The following PIK3IP1 variants were observed in gnomAD, a reference collection of about 807,000 sequenced individuals.
PIK3IP1 encodes the protein phosphoinositide-3-kinase interacting protein 1.
Under a neutral mutation model 30.7 loss-of-function variants are expected in PIK3IP1, and 28 were observed. The observed-to-expected ratio is 0.91, with a 90% CI of 0.68 to 1.25. The LOEUF is 1.25. Ranked by LOEUF, PIK3IP1 falls within the 50% of genes most tolerant of loss-of-function variation. PIK3IP1 has a pLI of 0.00. For synonymous variants in PIK3IP1, 159 were observed against 140.8 expected, an observed-to-expected ratio of 1.13 and a Z score of -0.91; for missense variants, 333 against 346.2, an observed-to-expected ratio of 0.96 and a Z score of 0.30.
intron 3 of PIK3IP1, chr22:31,290,629 T>A: frequency 4.1e-6 from 1 of 244,848 alleles, no homozygotes; most frequent in Non-Finnish European, 7.8e-6. Context: ...TTGTGAGCAG[T>A]GTGGGTCTAG....
chr22:31,284,186 G>A (rs2049114093), intron 5 of PIK3IP1, among the ~76,000 whole-genome samples: 1 of 152,260 alleles, frequency 6.6e-6, no homozygotes, highest in African/African-American at 2.4e-5. Context: ...TTACAGGCGT[G>A]AGCCACCACA....
intron 3 of PIK3IP1, chr22:31,289,939 C>T (rs759578945): frequency 1.2e-5 from 6 of 502,712 alleles, no homozygotes; most frequent in Non-Finnish European, 2.2e-5. Flanking sequence ...CTACCTCCCA[C>T]GTCTTTATCT....
rs955631311 is a variant in PIK3IP1 at position 31,282,713 on chromosome 22, G to A, written c.*371C>T. ...AGTGTATGCCACTCAAGCCCACAGT[G>A]GAGACTGAGGCCATCTTAGTAAAGC... On this transcript the variant is annotated 3_prime_UTR_variant, in exon 6 of 6. Coordinates refer to ENST00000215912, the MANE Select transcript of PIK3IP1 (RefSeq NM_052880.5). 6.4e-5 allele frequency: 15 copies of A among 233,300 alleles called. No individual in the cohort carries two copies. Among genetic ancestry groups the A allele is most frequent in the African/African-American group, 3.3e-4 (15 of 45,592 alleles). 14.5% of individuals were successfully genotyped at this position (233,300 alleles called of 1,614,324 possible). A position where few individuals can be genotyped will look rare whatever the true frequency, so the allele number is the denominator to read the frequency against.
intron 5 of PIK3IP1, among the ~76,000 whole-genome samples, chr22:31,284,008 G>A (rs548299556): frequency 6.6e-5 from 10 of 152,162 alleles, no homozygotes; most frequent in Admixed American, 1.3e-4. Flanking sequence ...AGGTTCAAGC[G>A]ATTCTCCTGC....
rs2049158359 is a variant in PIK3IP1 at position 31,289,610 on chromosome 22, G to C, written c.397C>G (p.Pro133Ala). The C allele has an allele frequency of 6.4e-7, 1 of 1,558,428 alleles. No homozygotes were observed. Among genetic ancestry groups the C allele is most frequent in the Admixed American group, 2.0e-5 (1 of 51,188 alleles). ...PGADEVQVFAPANALPARSEA... is the reference protein window; with the variant it reads ...PGADEVQVFAAANALPARSEA... ...CTCCGAGCGGGCAGGGCGTTGGCAG[G>C]AGCGAACACCTGCACCTCATCTGCA... is the stretch of plus-strand genomic sequence containing the variant. Residue 133 changes from proline (P) to alanine (A), a missense_variant, in exon 4 of 6, where the codon CCT becomes GCT. Physicochemically the swap from Pro to Ala is conservative, Grantham distance 27 (BLOSUM62 -1). This residue lies in a region of PIK3IP1 where 217 missense variants were observed against 227.7 expected (regional missense o/e 0.95). Transcript: ENST00000215912.
chr22:31,287,923 C>T (rs191838374), intron 5 of PIK3IP1, among the ~76,000 whole-genome samples: 5 of 152,252 alleles, frequency 3.3e-5, no homozygotes, highest in Middle Eastern at 3.4e-3. Flanking sequence ...GCATGTGCTT[C>T]AAGCAGTGTC....
intron 5 of PIK3IP1, among the ~76,000 whole-genome samples, chr22:31,288,540 T>A (rs1301702151): frequency 1.3e-5 from 2 of 152,106 alleles, no homozygotes; most frequent in East Asian, 3.8e-4. Flanking sequence ...AGAAGTCAAA[T>A]CCCCCGATTT....
Position 31,292,318 on chromosome 22 carries a change from GAAT to G in PIK3IP1, c.24_26del (p.Phe9del). The G allele has an allele frequency of 6.2e-7, 1 of 1,614,182 alleles. No individual in the cohort carries two copies. Among genetic ancestry groups the G allele is most frequent in the Non-Finnish European group, 8.5e-7 (1 of 1,180,036 alleles). On this transcript the variant is annotated inframe_deletion, in exon 1 of 6. Coordinates refer to ENST00000215912, the MANE Select transcript of PIK3IP1 (RefSeq NM_052880.5). ...CTGCTAGGAGCATGTTGCTGACGAG[GAAT>G]GCTTGTACCCAGGCCAACAGCATCC...
At position 31,290,923 on chromosome 22, in the gene PIK3IP1, T is replaced by G. The variant is rs1189571309; in HGVS notation, c.307+42A>C. 3 of 1,532,906 alleles carry G rather than the reference T, an allele frequency of 2.0e-6. No individual in the cohort carries two copies. The African/African-American group carries it at 4.4e-5, about 22-fold the overall frequency. 95.0% of individuals were successfully genotyped at this position (1,532,906 alleles called of 1,614,324 possible). ...CCACGAGTGTCTCAGCCGCTTCCTG[T>G]CAGCGCCAGGAGCGGGGATTCCCGG... On this transcript the variant is annotated intron_variant, in intron 3 of 5. Coordinates refer to ENST00000215912, the MANE Select transcript of PIK3IP1 (RefSeq NM_052880.5).
In PIK3IP1 at chr22:31,289,683, G is replaced by C. The variant is rs1490914103; in HGVS notation, c.324C>G (p.Ala108=). 1 of 1,552,518 alleles carries C rather than the reference G, an allele frequency of 6.4e-7. No homozygotes were observed. Among genetic ancestry groups the C allele is most frequent in the Non-Finnish European group, 8.7e-7 (1 of 1,147,272 alleles). The change falls in exon 4 of 6, where the codon GCC becomes GCG. Residue 108 remains alanine, a synonymous_variant. Coordinates refer to ENST00000215912, the MANE Select transcript of PIK3IP1 (RefSeq NM_052880.5). The part of the protein sequence containing the change: ...DLRCPETTSQ[A]LPAFTTEIQE... The stretch of plus-strand genomic sequence containing the variant: ...GGATTTCTGTCGTGAAGGCTGGCAG[G>C]GCCTGGGAGGTGGTCTCTGGAGATG...
chr22:31,290,812 A>T, intron 3 of PIK3IP1, 153 bp downstream of exon 3: 1 of 1,178,866 alleles, frequency 8.5e-7, no homozygotes, highest in Non-Finnish European at 1.1e-6. Flanking sequence ...ATAGGCTTTG[A>T]GCCCCGCGGC....
At position 31,289,044 on chromosome 22, in the gene PIK3IP1, G is replaced by A. The variant is rs2049152266; in HGVS notation, c.587+271C>T. On this transcript the variant is annotated intron_variant, in intron 5 of 5. Coordinates refer to ENST00000215912, the MANE Select transcript of PIK3IP1 (RefSeq NM_052880.5). The stretch of plus-strand genomic sequence containing the variant: ...CTGAATCCAGGTTCTGCCACTCCTA[G>A]GCTATGTGACTTTGAGCAAGTCTCT... The A allele has an allele frequency of 5.2e-6, 3 of 573,158 alleles. 1 individual carries two copies. The South Asian group carries it at 6.9e-5, about 13-fold the overall frequency. The allele number at this position is 573,158 out of a possible 1,614,324, so 35.5% of individuals were successfully genotyped here.
In PIK3IP1 at chr22:31,291,250, G is replaced by T. The variant is rs1195340868; in HGVS notation, c.117C>A (p.Ser39=). The part of the protein sequence containing the change: ...NGHLYREDQT[S]PAPGLRCLNW... ...TGAGGCAGCGGAGGCCCGGCGCGGGGGAGGTCTGGTCCTCCCGGTACAGGT... is the reference window on the plus strand; with the variant it reads ...TGAGGCAGCGGAGGCCCGGCGCGGGTGAGGTCTGGTCCTCCCGGTACAGGT... Residue 39 remains serine, a synonymous_variant, in exon 2 of 6, where the codon TCC becomes TCA. Transcript: ENST00000215912. 6.4e-7 allele frequency: 1 copy of T among 1,553,264 alleles called. No homozygotes were observed. Among genetic ancestry groups the T allele is most frequent in the South Asian group, 1.2e-5 (1 of 84,262 alleles).
In PIK3IP1 at chr22:31,282,987, G is replaced by A. The variant is rs139439913; in HGVS notation, c.*97C>T. 1.3e-4 allele frequency: 131 copies of A among 978,406 alleles called. No homozygotes were observed. Among genetic ancestry groups the A allele is most frequent in the Middle Eastern group, 9.8e-4 (3 of 3,060 alleles). The allele number at this position is 978,406 out of a possible 1,614,324, so 60.6% of individuals were successfully genotyped here. On this transcript the variant is annotated 3_prime_UTR_variant, in exon 6 of 6. Coordinates refer to ENST00000215912, the MANE Select transcript of PIK3IP1 (RefSeq NM_052880.5). The stretch of plus-strand genomic sequence containing the variant: ...GCCAAAAAAGCGGGGGAGTGGTAGG[G>A]TTTTAACCAGAACACAAAGTGGTAG...
At position 31,292,453 on chromosome 22, in the gene PIK3IP1, T is replaced by C; in HGVS notation, c.-109A>G. Reference sequence around the variant, plus strand: ...AGCCTTGCAGTCAGACCTGCCCTTGTTATGCTGTTCTGGTAAACAGCCTCT... The same window carrying C: ...AGCCTTGCAGTCAGACCTGCCCTTGCTATGCTGTTCTGGTAAACAGCCTCT... On this transcript the variant is annotated 5_prime_UTR_variant, in exon 1 of 6. Coordinates refer to ENST00000215912, the MANE Select transcript of PIK3IP1 (RefSeq NM_052880.5). 1 of 844,122 alleles carries C rather than the reference T, an allele frequency of 1.2e-6. No individual in the cohort carries two copies. 52.3% of individuals were successfully genotyped at this position (844,122 alleles called of 1,614,324 possible).
chr22:31,289,010 G>A, intron 5 of PIK3IP1: 1 of 511,924 alleles, frequency 2.0e-6, no homozygotes, highest in Non-Finnish European at 3.4e-6. Flanking sequence ...GCTATCAAAA[G>A]AGCTGGGTCT....
chr22:31,281,612 T>C lies in PIK3IP1; in HGVS notation c.*1472A>G, dbSNP rs1369968681. On this transcript the variant is annotated 3_prime_UTR_variant, in exon 6 of 6. Transcript: ENST00000215912. ...GCAATGTGGAGTCTTTTTTTTTTTTTAATTAAGTCAAATGCAGAGCAATTT... is the reference window on the plus strand; with the variant it reads ...GCAATGTGGAGTCTTTTTTTTTTTTCAATTAAGTCAAATGCAGAGCAATTT... The C allele has an allele frequency of 1.3e-5, 2 of 149,004 alleles. No individual in the cohort carries two copies. Among genetic ancestry groups the C allele is most frequent in the Admixed American group, 6.7e-5 (1 of 14,920 alleles). 9.2% of individuals were successfully genotyped at this position (149,004 alleles called of 1,614,324 possible).
intron 5 of PIK3IP1, among the ~76,000 whole-genome samples, chr22:31,286,355 T>C (rs2049130900): frequency 6.6e-6 from 1 of 152,162 alleles, no homozygotes; most frequent in Non-Finnish European, 1.5e-5. Context: ...ATACCAAGGC[T>C]CAGAGGGCAC....
At chr22:31,289,204 T>G in intron 5 of PIK3IP1, 111 bp downstream of exon 5, 1 of 1,068,284 alleles carries the variant, frequency 9.4e-7, no homozygotes, top group Non-Finnish European at 1.4e-6. Flanking sequence ...TCTCTACATC[T>G]TGAGCTGATT....
Sources: allele counts gnomAD v4.1 joint callset (sites outside exome capture counted in the v4.1 genomes callset), GRCh38; gene constraint gnomAD v4.1.1; regional missense constraint gnomAD v4.1.1; transcripts MANE v1.5; gene names NCBI Gene and HGNC (gene_info 2026-07-23, HGNC 2026-07-21).